Variants in PLEKHM3 observed in about 807,000 individuals in gnomAD.
The protein encoded by PLEKHM3 is pleckstrin homology domain-containing family M member 3.
In PLEKHM3, 45 loss-of-function variants were observed where a neutral mutation model predicts 81.8. The observed-to-expected ratio is 0.55, with a 90% CI of 0.43 to 0.71. The LOEUF is 0.71. PLEKHM3 is among the 30% of genes least tolerant of loss of function. The probability of loss-of-function intolerance (pLI) is 0.00; values close to 1 mark genes in which losing one functional copy is unlikely to be tolerated. For synonymous variants in PLEKHM3, 352 were observed against 356.4 expected (o/e 0.99, Z 0.14); for missense variants, 788 against 924.3 (o/e 0.85, Z 1.91).
At chr2:207,856,008 G>A (rs955172342) in intron 7 of PLEKHM3, among the ~76,000 whole-genome samples, 1 of 152,052 alleles carries the variant, frequency 6.6e-6, no homozygotes, top group Non-Finnish European at 1.5e-5. Flanking sequence ...ATTAATAGGG[G>A]AAACTGAGTG....
intron 3 of PLEKHM3, among the ~76,000 whole-genome samples, chr2:207,963,300 G>A (rs1690801860): frequency 1.3e-5 from 2 of 152,338 alleles, no homozygotes; most frequent in Admixed American, 6.5e-5. Flanking sequence ...GAAAGCCAGT[G>A]TGGCTGGAAC....
chr2:207,971,546 A>G (rs114950427), intron 3 of PLEKHM3, among the ~76,000 whole-genome samples: 1,551 of 151,508 alleles, frequency 0.01, 31 homozygotes, highest in African/African-American at 0.036. Flanking sequence ...TATTGTGTCA[A>G]TTAAAACTTT....
intron 6 of PLEKHM3, among the ~76,000 whole-genome samples, chr2:207,874,736 T>C (rs555445665): frequency 1.9e-4 from 29 of 151,746 alleles, no homozygotes; most frequent in African/African-American, 5.8e-4. Context: ...GGACTACAGG[T>C]GCACACCACC....
At chr2:207,983,895 C>T (rs1691628394) in intron 2 of PLEKHM3, among the ~76,000 whole-genome samples, 1 of 152,158 alleles carries the variant, frequency 6.6e-6, no homozygotes, top group South Asian at 2.1e-4. Flanking sequence ...AAGGTTGAGT[C>T]CTCCTCCTTC....
chr2:207,962,923 T>TCA (rs1690788025), intron 3 of PLEKHM3, among the ~76,000 whole-genome samples: 1 of 65,684 alleles, frequency 1.5e-5, no homozygotes, highest in Admixed American at 1.7e-4. Flanking sequence ...TAGTCAAAAA[T>TCA]TAAAAAAAAA....
At chr2:207,947,164 C>T (rs553980634) in intron 3 of PLEKHM3, among the ~76,000 whole-genome samples, 5 of 152,296 alleles carry the variant, frequency 3.3e-5, no homozygotes, top group East Asian at 3.9e-4. Flanking sequence ...CCAATGGGAA[C>T]GTAATCACTT....
At chr2:207,981,504 C>T (rs1293881650) in intron 2 of PLEKHM3, among the ~76,000 whole-genome samples, 1 of 152,040 alleles carries the variant, frequency 6.6e-6, no homozygotes, top group African/African-American at 2.4e-5. Context: ...CATCATGATA[C>T]CTGGCTTATT....
intron 2 of PLEKHM3, among the ~76,000 whole-genome samples, chr2:207,979,417 C>G (rs931216284): frequency 1.1e-4 from 17 of 152,078 alleles, no homozygotes; most frequent in African/African-American, 4.1e-4. Context: ...GCCTGTAATC[C>G]CAGCTACTTG....
intron 6 of PLEKHM3, among the ~76,000 whole-genome samples, chr2:207,882,612 C>CAA (rs375414006): frequency 0.024 from 2,059 of 84,494 alleles, 63 homozygotes; most frequent in African/African-American, 0.054. Flanking sequence ...AACTCCATCT[C>CAA]AAAAAAAAAA....
chr2:207,980,066 T>C (rs183254148), intron 2 of PLEKHM3, among the ~76,000 whole-genome samples: 29 of 152,280 alleles, frequency 1.9e-4, no homozygotes, highest in Admixed American at 5.9e-4. Context: ...CTGATGATAG[T>C]TCAATCTTTT....
At chr2:207,856,137 A>G (rs2105803634) in intron 7 of PLEKHM3, among the ~76,000 whole-genome samples, 1 of 152,272 alleles carries the variant, frequency 6.6e-6, no homozygotes, top group Admixed American at 6.5e-5. Flanking sequence ...CAGTTGAACA[A>G]TTTTTAAATT....
chr2:207,975,571 G>A (rs1409639748), intron 3 of PLEKHM3, among the ~76,000 whole-genome samples: 3 of 140,678 alleles, frequency 2.1e-5, no homozygotes, highest in Non-Finnish European at 3.1e-5. Flanking sequence ...GGTTCAGTGA[G>A]GTTTTAAAAG....
intron 1 of PLEKHM3, among the ~76,000 whole-genome samples, chr2:208,013,110 T>G (rs1295626409): frequency 6.6e-6 from 1 of 152,208 alleles, no homozygotes; most frequent in Non-Finnish European, 1.5e-5. Context: ...GAATTTTAAG[T>G]AACAGAACAC....
At chr2:207,849,907 C>T (rs2092403457) in intron 7 of PLEKHM3, among the ~76,000 whole-genome samples, 1 of 152,164 alleles carries the variant, frequency 6.6e-6, no homozygotes, top group African/African-American at 2.4e-5. Flanking sequence ...AACAGAATAC[C>T]TGAGACAGGG....
intron 3 of PLEKHM3, among the ~76,000 whole-genome samples, chr2:207,974,386 T>C (rs1209616650): frequency 1.3e-5 from 2 of 152,214 alleles, no homozygotes; most frequent in Non-Finnish European, 2.9e-5. Context: ...GCATGGGCAG[T>C]GCACACTCCA....
At chr2:207,989,240 C>T (rs1391961708) in intron 2 of PLEKHM3, among the ~76,000 whole-genome samples, 1 of 152,164 alleles carries the variant, frequency 6.6e-6, no homozygotes, top group African/African-American at 2.4e-5. Flanking sequence ...GTTTATAGCC[C>T]ATAGTGGAGA....
chr2:207,972,304 G>A (rs1298753037), intron 3 of PLEKHM3, among the ~76,000 whole-genome samples: 1 of 148,480 alleles, frequency 6.7e-6, no homozygotes, highest in African/African-American at 2.5e-5. Context: ...ATAAGGCTGG[G>A]CACAGTGGCT....
At chr2:207,978,076 A>C (rs550390763) in intron 2 of PLEKHM3, among the ~76,000 whole-genome samples, 1 of 152,096 alleles carries the variant, frequency 6.6e-6, no homozygotes, top group Non-Finnish European at 1.5e-5. Context: ...ACACAGCAAG[A>C]CTCTGTCTTA....
At chr2:207,846,483 G>C (rs1296155787) in intron 7 of PLEKHM3, among the ~76,000 whole-genome samples, 1 of 151,586 alleles carries the variant, frequency 6.6e-6, no homozygotes, top group African/African-American at 2.4e-5. Flanking sequence ...TTATTCGATG[G>C]ATCTTAATGA....
Sources: gnomAD v4.1 joint callset for allele counts (sites outside exome capture counted in the v4.1 genomes callset) on GRCh38, gnomAD v4.1.1 for gene constraint, MANE v1.5 for transcripts, NCBI Gene and HGNC (gene_info 2026-07-23, HGNC 2026-07-21) for gene names.